Variants in TMEM132D observed in about 807,000 individuals in gnomAD.
TMEM132D encodes the protein mature OL transmembrane protein.
A neutral mutation model predicts 62.3 loss-of-function variants in TMEM132D; 21 were observed. That is an observed-to-expected ratio of 0.34 (90% CI 0.24 to 0.49). The LOEUF (loss-of-function observed/expected upper bound fraction) is 0.49, where lower values mean the gene tolerates loss of function less well. Among genes scored for constraint, TMEM132D ranks in the 20% least tolerant of loss-of-function variants. TMEM132D has a pLI of 0.99. For synonymous variants in TMEM132D, 621 were observed against 575.6 expected, an observed-to-expected ratio of 1.08 and a Z score of -1.13; for missense variants, 1,346 against 1,402.8, an observed-to-expected ratio of 0.96 and a Z score of 0.65.
At chr12:129,876,092 C>G (rs527897794) in intron 1 of TMEM132D, among the ~76,000 whole-genome samples, 1 of 152,166 alleles carries the variant, frequency 6.6e-6, no homozygotes. Flanking sequence ...TCCAATAGCT[C>G]ACTACCTAGT....
At chr12:129,590,482 T>C (rs975396478) in intron 2 of TMEM132D, among the ~76,000 whole-genome samples, 21 of 152,242 alleles carry the variant, frequency 1.4e-4, no homozygotes. Context: ...TTATTTCACT[T>C]TCTGCCCCTG....
chr12:129,574,787 G>C (rs569060151), intron 2 of TMEM132D, among the ~76,000 whole-genome samples: 47 of 151,838 alleles, frequency 3.1e-4, no homozygotes, highest in African/African-American at 1.1e-3. Context: ...GGTTTGCTGC[G>C]CCCCTCAGTG....
intron 5 of TMEM132D, among the ~76,000 whole-genome samples, chr12:129,190,207 G>A (rs1182861575): frequency 9.0e-6 from 1 of 110,790 alleles, no homozygotes; most frequent in African/African-American, 3.7e-5. Flanking sequence ...GGGAGTCTCA[G>A]GCCTGCAGAT....
chr12:129,450,845 C>T lies in TMEM132D; in HGVS notation c.1115+80214G>A, dbSNP rs1873259032. 3.3e-5 allele frequency among the ~76,000 whole-genome samples: 5 copies of T among 149,850 alleles called. No homozygotes were observed. In the South Asian group the frequency reaches 1.1e-3, roughly 32 times the overall value. On this transcript the variant is annotated intron_variant, in intron 3 of 8. Transcript: ENST00000422113. ...AATCTCAGCTCACTGCAACTTCTGC[C>T]TCTCGGGTTCAAGCAATTCTCTGCC...
At chr12:129,315,514 A>G (rs1464884057) in intron 4 of TMEM132D, among the ~76,000 whole-genome samples, 3 of 152,174 alleles carry the variant, frequency 2.0e-5, no homozygotes, top group Non-Finnish European at 4.4e-5. Flanking sequence ...ATGGAGGATT[A>G]TCTTTTCGAT....
At chr12:129,121,120 G>A (rs1459250816) in intron 5 of TMEM132D, among the ~76,000 whole-genome samples, 1 of 151,840 alleles carries the variant, frequency 6.6e-6, no homozygotes, top group Non-Finnish European at 1.5e-5. Flanking sequence ...TTTTGAGGCA[G>A]AGTCTTGGTC....
intron 1 of TMEM132D, among the ~76,000 whole-genome samples, chr12:129,718,577 G>A (rs1868682823): frequency 6.6e-6 from 1 of 152,146 alleles, no homozygotes; most frequent in South Asian, 2.1e-4. Flanking sequence ...GAGAAAGTGG[G>A]GAGAAAAAGG....
At chr12:129,755,026 TC>T (rs1870120357) in intron 1 of TMEM132D, among the ~76,000 whole-genome samples, 2 of 152,190 alleles carry the variant, frequency 1.3e-5, no homozygotes, top group African/African-American at 4.8e-5. Context: ...GTAACTCCTG[TC>T]CTTTCAATGT....
intron 2 of TMEM132D, among the ~76,000 whole-genome samples, chr12:129,597,891 C>T (rs187582025): frequency 2.6e-5 from 4 of 151,700 alleles, no homozygotes; most frequent in South Asian, 2.1e-4. Flanking sequence ...GCTTTATTGG[C>T]GGGGGGTGGA....
chr12:129,334,418 C>A (rs975830076), intron 4 of TMEM132D, among the ~76,000 whole-genome samples: 1 of 152,152 alleles, frequency 6.6e-6, no homozygotes, highest in African/African-American at 2.4e-5. Flanking sequence ...AATTTAATAA[C>A]GGCAACCACA....
intron 2 of TMEM132D, among the ~76,000 whole-genome samples, chr12:129,532,869 C>T (rs539140061): frequency 7.2e-5 from 11 of 152,324 alleles, no homozygotes; most frequent in African/African-American, 1.9e-4. Flanking sequence ...GCACATCCTG[C>T]GTGACTCCAC....
At chr12:129,706,949 G>A (rs968406810) in intron 1 of TMEM132D, among the ~76,000 whole-genome samples, 1 of 151,358 alleles carries the variant, frequency 6.6e-6, no homozygotes, top group Non-Finnish European at 1.5e-5. Context: ...AGCCAAAGAT[G>A]CAGTCAAAAG....
chr12:129,457,161 T>C (rs1019235789), intron 3 of TMEM132D, among the ~76,000 whole-genome samples: 4 of 152,002 alleles, frequency 2.6e-5, no homozygotes, highest in Admixed American at 2.6e-4. Flanking sequence ...TGCGGCACTA[T>C]TCACAATAGC....
intron 1 of TMEM132D, among the ~76,000 whole-genome samples, chr12:129,884,224 T>C (rs1211423556): frequency 6.6e-6 from 1 of 152,212 alleles, no homozygotes; most frequent in Admixed American, 6.5e-5. Context: ...ACTTCTAAGA[T>C]ATGGCAATAT....
chr12:129,453,336 AG>A (rs1283122855), intron 3 of TMEM132D, among the ~76,000 whole-genome samples: 1 of 152,138 alleles, frequency 6.6e-6, no homozygotes, highest in Non-Finnish European at 1.5e-5. Flanking sequence ...CTTTTGCGCA[AG>A]GTGTCTCTTT....
chr12:129,424,771 C>T (rs997859814), intron 3 of TMEM132D, among the ~76,000 whole-genome samples: 1 of 146,940 alleles, frequency 6.8e-6, no homozygotes, highest in Non-Finnish European at 1.5e-5. Flanking sequence ...CACTTTGAAT[C>T]TGTTTGAGGA....
At chr12:129,757,821 A>G (rs142425837) in intron 1 of TMEM132D, among the ~76,000 whole-genome samples, 1 of 152,216 alleles carries the variant, frequency 6.6e-6, no homozygotes, top group East Asian at 1.9e-4. Context: ...AAAAATCCAA[A>G]ATGTGTCCAC....
chr12:129,872,942 A>C (rs529141134), intron 1 of TMEM132D, among the ~76,000 whole-genome samples: 3 of 152,208 alleles, frequency 2.0e-5, no homozygotes, highest in Non-Finnish European at 4.4e-5. Flanking sequence ...GCCTCTCAAT[A>C]AAAAGCAAAA....
intron 3 of TMEM132D, among the ~76,000 whole-genome samples, chr12:129,408,440 C>CTTTTTTTT (rs34261219): frequency 7.0e-6 from 1 of 143,708 alleles, no homozygotes; most frequent in Non-Finnish European, 1.5e-5. Flanking sequence ...TTGATAGTAG[C>CTTTTTTTT]TTTTTTTTTT....
Sources: gnomAD v4.1 joint callset for allele counts (sites outside exome capture counted in the v4.1 genomes callset) on GRCh38, gnomAD v4.1.1 for gene constraint, MANE v1.5 for transcripts, NCBI Gene and HGNC (gene_info 2026-07-23, HGNC 2026-07-21) for gene names.